Variants in FBXO34 observed in about 807,000 individuals in gnomAD.
FBXO34 encodes the protein F-box only protein 34.
A neutral mutation model predicts 24.5 loss-of-function variants in FBXO34; 12 were observed. The observed-to-expected ratio is 0.49, with a 90% confidence interval of 0.31 to 0.79. FBXO34 has a LOEUF of 0.79. Among genes scored for constraint, FBXO34 ranks in the 30% least tolerant of loss-of-function variants. The pLI, the probability that FBXO34 is intolerant of heterozygous loss-of-function variation, is 0.04. For missense variants in FBXO34, 823 were observed against 857.7 expected (o/e 0.96, Z 0.51); for synonymous variants, 320 against 311.9 (o/e 1.03, Z -0.27).
intron 1 of FBXO34, among the ~76,000 whole-genome samples, chr14:55,306,399 G>A (rs1200376987): frequency 6.6e-6 from 1 of 152,144 alleles, no homozygotes; most frequent in African/African-American, 2.4e-5. Context: ...ATGCTTATAT[G>A]TTTTTAAAGT....
intron 1 of FBXO34, chr14:55,285,606 A>G (rs1375003467): frequency 6.6e-6 from 1 of 152,098 alleles, no homozygotes; most frequent in Non-Finnish European, 1.5e-5. Flanking sequence ...GATTTCCTCC[A>G]TCCCCTTTTA....
the FBXO34 span, among the ~76,000 whole-genome samples, chr14:55,379,514 C>A: frequency 6.6e-6 from 1 of 152,002 alleles, no homozygotes; most frequent in Admixed American, 6.6e-5. Flanking sequence ...CACTGCACTC[C>A]AGCCTGGACG....
At chr14:55,355,409 C>G (rs1347609100), downstream of FBXO34, among the ~76,000 whole-genome samples, 3 of 152,200 alleles carry the variant, frequency 2.0e-5, no homozygotes, top group Non-Finnish European at 4.4e-5. Context: ...TCTGCCACCA[C>G]ATGCCCCTCT....
chr14:55,275,841 A>AAAG (rs1555334276), intron 1 of FBXO34, among the ~76,000 whole-genome samples: 57 of 147,828 alleles, frequency 3.9e-4, no homozygotes, highest in Non-Finnish European at 6.2e-4. Context: ...AAAAAAAAAA[A>AAAG]CGAGGATAAA....
At chr14:55,437,839 C>T in the FBXO34 span, among the ~76,000 whole-genome samples, 919 of 152,226 alleles carry the variant, frequency 6.0e-3, 12 homozygotes, top group African/African-American at 0.021. Context: ...TAGGCAAAGG[C>T]GTAATAAGAA....
chr14:55,393,209 G>T, the FBXO34 span, among the ~76,000 whole-genome samples: 20 of 151,342 alleles, frequency 1.3e-4, 1 homozygote, highest in Admixed American at 6.6e-4. Flanking sequence ...GTGAAACCCC[G>T]TCTCTACTAA....
At chr14:55,422,160 A>G in the FBXO34 span, among the ~76,000 whole-genome samples, 2 of 152,216 alleles carry the variant, frequency 1.3e-5, no homozygotes, top group African/African-American at 2.4e-5. Context: ...GAGTCATCCA[A>G]AATTAATGAG....
At chr14:55,400,610 T>A in the FBXO34 span, among the ~76,000 whole-genome samples, 1 of 152,104 alleles carries the variant, frequency 6.6e-6, no homozygotes, top group Non-Finnish European at 1.5e-5. Flanking sequence ...TTCCTACAAA[T>A]AAAATAAACT....
chr14:55,310,491 A>G (rs1306889132), intron 1 of FBXO34, among the ~76,000 whole-genome samples: 1 of 152,156 alleles, frequency 6.6e-6, no homozygotes, highest in Non-Finnish European at 1.5e-5. Context: ...AATAATGGAG[A>G]CAGGATAATT....
chr14:55,390,955 T>C, the FBXO34 span: 1 of 1,606,574 alleles, frequency 6.2e-7, no homozygotes, highest in East Asian at 2.2e-5. Context: ...TTGTTTTAAC[T>C]GTTCAATCCT....
At chr14:55,392,140 G>A in the FBXO34 span, among the ~76,000 whole-genome samples, 1 of 152,110 alleles carries the variant, frequency 6.6e-6, no homozygotes, top group Admixed American at 6.6e-5. Flanking sequence ...GCACAACCTA[G>A]ATCCCTCGCA....
At chr14:55,440,405 G>T in the FBXO34 span, 1 of 1,613,022 alleles carries the variant, frequency 6.2e-7, no homozygotes, top group South Asian at 1.1e-5. Context: ...CCTGAGCGGC[G>T]CACTGGTCCA....
chr14:55,296,425 T>A (rs1882134907), intron 1 of FBXO34, among the ~76,000 whole-genome samples: 1 of 131,854 alleles, frequency 7.6e-6, no homozygotes. Flanking sequence ...TGAGACAGTC[T>A]CGCTCTGTCG....
chr14:55,438,298 T>A, the FBXO34 span, among the ~76,000 whole-genome samples: 2 of 152,168 alleles, frequency 1.3e-5, no homozygotes, highest in Non-Finnish European at 2.9e-5. Flanking sequence ...GACTAATTGT[T>A]TAAAGAAAGC....
chr14:55,315,269 C>T (rs1882889245), intron 1 of FBXO34, among the ~76,000 whole-genome samples: 1 of 152,126 alleles, frequency 6.6e-6, no homozygotes, highest in Non-Finnish European at 1.5e-5. Flanking sequence ...TAATTTATTT[C>T]AAATTGTAAC....
At chr14:55,361,637 T>C (rs1457892615) in intron 3 of FBXO34, 2 of 152,378 alleles carry the variant, frequency 1.3e-5, no homozygotes, top group East Asian at 1.9e-4. Flanking sequence ...TTCATCTCTA[T>C]TGGAAATCTG....
downstream of FBXO34, among the ~76,000 whole-genome samples, chr14:55,374,253 C>A (rs1447428900): frequency 1.3e-5 from 2 of 151,788 alleles, no homozygotes; most frequent in African/African-American, 4.8e-5. Flanking sequence ...ACTGTGTTGC[C>A]CAGACTGAAG....
chr14:55,319,806 G>C (rs1222185862), intron 1 of FBXO34, among the ~76,000 whole-genome samples: 1 of 152,162 alleles, frequency 6.6e-6, no homozygotes, highest in Non-Finnish European at 1.5e-5. Flanking sequence ...CTCCCAAGTA[G>C]CTGGGACTAT....
At chr14:55,299,367 A>T in intron 1 of FBXO34, 5 of 304,524 alleles carry the variant, frequency 1.6e-5, no homozygotes, top group East Asian at 8.6e-5. Context: ...TCTGCATAGC[A>T]TGGTCTGCAC....
Sources: allele counts gnomAD v4.1 joint callset (sites outside exome capture counted in the v4.1 genomes callset), GRCh38; gene constraint gnomAD v4.1.1; transcripts MANE v1.5; gene names NCBI Gene and HGNC (gene_info 2026-07-23, HGNC 2026-07-21).